DCLRE1A: variants seen among roughly 807,000 people sequenced by gnomAD.
DCLRE1A encodes DNA cross-link repair 1A protein.
A neutral mutation model predicts 91.9 loss-of-function variants in DCLRE1A; 64 were observed. That is an observed-to-expected ratio of 0.70 (90% CI 0.57 to 0.86). DCLRE1A has a LOEUF of 0.86. Ranked by LOEUF, DCLRE1A falls within the 40% of genes least tolerant of loss-of-function variation. DCLRE1A has a pLI of 0.00. For synonymous variants in DCLRE1A, 416 were observed against 431.1 expected (o/e 0.96, Z 0.43); for missense variants, 1,145 against 1,213.3 (o/e 0.94, Z 0.84).
intron 8 of DCLRE1A, among the ~76,000 whole-genome samples, chr10:113,836,078 C>T (rs982585704): frequency 6.6e-6 from 1 of 152,180 alleles, no homozygotes; most frequent in Non-Finnish European, 1.5e-5. Context: ...TGCCCTTTGC[C>T]TTCTGTCATG....
In DCLRE1A at chr10:113,847,324, T is replaced by TA; in HGVS notation, c.2136dup (p.Thr713TyrfsTer3). The TA allele has an allele frequency of 6.2e-7, 1 of 1,613,630 alleles. No homozygotes were observed. The highest frequency in any genetic ancestry group is 8.5e-7 in the Non-Finnish European group (1 of 1,179,746). The stretch of plus-strand genomic sequence containing the variant: ...ACGCCATACTGAAAGGCATCAACTG[T>TA]AAAGCCGGTTCCTGCAATAAAAATA... On this transcript the variant is annotated frameshift_variant, in exon 3 of 9. Coordinates refer to ENST00000361384, the MANE Select transcript of DCLRE1A (RefSeq NM_014881.5). LOFTEE classifies it high-confidence loss of function.
chr10:113,845,171 T>C (rs888129932), intron 4 of DCLRE1A, among the ~76,000 whole-genome samples: 2 of 151,982 alleles, frequency 1.3e-5, no homozygotes, highest in African/African-American at 4.8e-5. Flanking sequence ...TGAATGCTGA[T>C]AGTACTTTAT....
chr10:113,853,427 G>T lies in DCLRE1A; in HGVS notation c.-245C>A. On this transcript the variant is annotated 5_prime_UTR_variant, in exon 1 of 9. It adds an upstream start codon to the 5' untranslated region. Coordinates refer to ENST00000361384, the MANE Select transcript of DCLRE1A (RefSeq NM_014881.5). ...ATGAAACTAAGATAAACCTATCACA[G>T]GAGTAGCAACTGTGAAGTTCTCCAT... 2.6e-6 allele frequency: 1 copy of T among 388,324 alleles called. No homozygotes were observed. The highest frequency in any genetic ancestry group is 4.5e-5 in the East Asian group (1 of 22,342). The allele number at this position is 388,324 out of a possible 1,614,324, so 24.1% of individuals were successfully genotyped here.
At chr10:113,850,666 A>C in intron 1 of DCLRE1A, 22 bp from the exon 2 acceptor site, 1 of 1,537,496 alleles carries the variant, frequency 6.5e-7, no homozygotes, top group South Asian at 1.3e-5. Flanking sequence ...ATAAAGAAAA[A>C]ATATTACACG....
chr10:113,845,867 G>GT, intron 3 of DCLRE1A, 64 bp from the exon 4 acceptor site: 3 of 1,288,238 alleles, frequency 2.3e-6, no homozygotes, highest in Non-Finnish European at 3.4e-6. Flanking sequence ...TTCATATCTA[G>GT]TTTAGAACCA....
chr10:113,842,864 T>C (rs1482606456), intron 5 of DCLRE1A, among the ~76,000 whole-genome samples: 1 of 152,140 alleles, frequency 6.6e-6, no homozygotes, highest in East Asian at 1.9e-4. Context: ...AGGATTATAT[T>C]TGGACTAAAG....
rs942542506 is a variant in DCLRE1A at position 113,835,250 on chromosome 10, G to A, written c.3025C>T (p.Pro1009Ser). The A allele has an allele frequency of 1.2e-6, 2 of 1,614,052 alleles. No individual in the cohort carries two copies. The highest frequency in any genetic ancestry group is 1.3e-5 in the African/African-American group (1 of 75,018). The stretch of plus-strand genomic sequence containing the variant: ...TTTACAGTAGGTATGATTTTCTGGG[G>A]CTTCAGCCACTGGACAAAGCGCTTC... ...EMKRFVQWLK[P>S]QKIIPTVNVG... The change falls in exon 9 of 9, where the codon CCC (proline) becomes TCC (serine). Residue 1009 changes from proline to serine, a missense_variant. Coordinates refer to ENST00000361384, the MANE Select transcript of DCLRE1A (RefSeq NM_014881.5).
Position 113,835,168 on chromosome 10 carries a change from A to G in DCLRE1A, c.3107T>C (p.Leu1036Ser). 1.2e-6 allele frequency: 2 copies of G among 1,613,688 alleles called. No homozygotes were observed. The highest frequency in any genetic ancestry group is 1.7e-6 in the Non-Finnish European group (2 of 1,179,884). ...TMEKYFREWKLEAGY is the reference protein window; with the variant it reads ...TMEKYFREWKSEAGY ...GAGGTATCATCAATATCCAGCTTCC[A>G]ATTTCCACTCTCTAAAATATTTCTC... Residue 1036 changes from leucine (L) to serine (S), a missense_variant, in exon 9 of 9, where the codon TTG becomes TCG. Leu to Ser is a moderately radical substitution (Grantham distance 145, BLOSUM62 -2). Transcript: ENST00000361384.
chr10:113,847,002 T>C (rs1289690324), intron 3 of DCLRE1A, among the ~76,000 whole-genome samples, 200 bp downstream of exon 3: 1 of 152,202 alleles, frequency 6.6e-6, no homozygotes, highest in Non-Finnish European at 1.5e-5. Context: ...TTTGTTTCCA[T>C]GTAATAAGAC....
rs747325003 is a variant in DCLRE1A at position 113,850,243 on chromosome 10, A to G, written c.862T>C (p.Leu288=). The G allele has an allele frequency of 1.2e-6, 2 of 1,614,174 alleles. No individual in the cohort carries two copies. The highest frequency in any genetic ancestry group is 1.3e-5 in the African/African-American group (1 of 75,058). The change falls in exon 2 of 9, where the codon TTG becomes CTG. Residue 288 remains leucine (L), a synonymous_variant. Coordinates refer to ENST00000361384, the MANE Select transcript of DCLRE1A (RefSeq NM_014881.5). ...ANNSEHINLP[L]PENDFSDCEI... is the part of the protein sequence containing the mutation. The stretch of plus-strand genomic sequence containing the variant: ...CAGTCACTGAAGTCATTTTCTGGCA[A>G]TGGCAAATTTATGTGTTCTGAGTTG...
chr10:113,845,231 A>T (rs1197439445), intron 4 of DCLRE1A, among the ~76,000 whole-genome samples: 2 of 152,178 alleles, frequency 1.3e-5, no homozygotes, highest in Admixed American at 1.3e-4. Flanking sequence ...AAGAAAAAAA[A>T]GTCTTCCAAA....
chr10:113,835,270 C>T lies in DCLRE1A; in HGVS notation c.3005G>A (p.Arg1002His), dbSNP rs772426635. The T allele has an allele frequency of 2.2e-5, 36 of 1,613,480 alleles. No homozygotes were observed. The highest frequency in any genetic ancestry group is 2.7e-5 in the African/African-American group (2 of 74,904). Residue 1002 changes from arginine to histidine, a missense_variant, in exon 9 of 9, where the codon CGC becomes CAC. Coordinates refer to ENST00000361384, the MANE Select transcript of DCLRE1A (RefSeq NM_014881.5). ...SEHSSYLEMK[R>H]FVQWLKPQKI... ...CTGGGGCTTCAGCCACTGGACAAAG[C>T]GCTTCATTTCTAGGTAGCTGCTGTG...
chr10:113,847,180 A>G (rs755077051), intron 3 of DCLRE1A, 22 bp downstream of exon 3: 1 of 1,568,428 alleles, frequency 6.4e-7, no homozygotes, highest in East Asian at 2.3e-5. Context: ...ACAAAGTCAA[A>G]AGTTAGAATA....
rs777002130 is a variant in DCLRE1A at position 113,837,216 on chromosome 10, A to G, written c.2821-13T>C. The G allele has an allele frequency of 6.2e-7, 1 of 1,605,210 alleles. No homozygotes were observed. ...GACTCTGTAAGCCCTGTTAAATTAA[A>G]ATAGCATATTGAGGTCAATGGAGAC... On this transcript the variant is annotated splice_polypyrimidine_tract_variant and intron_variant, in intron 7 of 8. Transcript: ENST00000361384.
intron 2 of DCLRE1A, among the ~76,000 whole-genome samples, chr10:113,847,784 C>T (rs1306525110): frequency 6.6e-6 from 1 of 151,084 alleles, no homozygotes; most frequent in Non-Finnish European, 1.5e-5. Context: ...ACGTATCTAC[C>T]ATCTTTGAAT....
chr10:113,838,832 T>C (rs1845400612), intron 7 of DCLRE1A, among the ~76,000 whole-genome samples: 5 of 152,220 alleles, frequency 3.3e-5, no homozygotes, highest in African/African-American at 1.2e-4. Flanking sequence ...ACTTGGGATG[T>C]TGAACTAGAT....
chr10:113,848,529 T>C (rs369878380), intron 2 of DCLRE1A, among the ~76,000 whole-genome samples: 3 of 152,190 alleles, frequency 2.0e-5, no homozygotes, highest in African/African-American at 2.4e-5. Flanking sequence ...TAAGTTCTAA[T>C]ACGGTTTTAA....
chr10:113,847,089 T>C lies in DCLRE1A; in HGVS notation c.2259+113A>G, dbSNP rs1426533682. 11 of 1,059,580 alleles carry C rather than the reference T, an allele frequency of 1.0e-5. 1 individual carries two copies. The South Asian group carries it at 2.1e-4, about 20-fold the overall frequency. 65.6% of individuals were successfully genotyped at this position (1,059,580 alleles called of 1,614,324 possible). On this transcript the variant is annotated intron_variant, in intron 3 of 8. Coordinates refer to ENST00000361384, the MANE Select transcript of DCLRE1A (RefSeq NM_014881.5). The stretch of plus-strand genomic sequence containing the variant: ...CTTTTATGTGGAATATGTTTTCTCA[T>C]TTTTTTTCTAGTAGAATGAAAGATC...
chr10:113,842,004 C>T (rs1446835431), intron 6 of DCLRE1A, among the ~76,000 whole-genome samples: 1 of 152,112 alleles, frequency 6.6e-6, no homozygotes. Context: ...AAACTGATTG[C>T]CAATGTAATT....
Sources: allele counts gnomAD v4.1 joint callset (sites outside exome capture counted in the v4.1 genomes callset), GRCh38; gene constraint gnomAD v4.1.1; transcripts MANE v1.5; gene names NCBI Gene and HGNC (gene_info 2026-07-23, HGNC 2026-07-21).